The following SH2B1 variants were observed in gnomAD, a reference collection of about 807,000 sequenced individuals.
SH2B1 encodes SH2B adaptor protein 1.
In SH2B1, 15 loss-of-function variants were observed where a neutral mutation model predicts 62.6. That is an observed-to-expected ratio of 0.24 (90% CI 0.16 to 0.37). The LOEUF is 0.37. SH2B1 is among the 10% of genes least tolerant of loss of function. The pLI is 1.00. For missense variants in SH2B1, 925 were observed against 1,015.6 expected, an observed-to-expected ratio of 0.91 and a Z score of 1.21; for synonymous variants, 443 against 438.0, an observed-to-expected ratio of 1.01 and a Z score of -0.14.
In SH2B1 at chr16:28,872,103, C is replaced by A; in HGVS notation, c.1514-87C>A. ...TGGGGACGCATGTGGGGAGCAGGCG[C>A]CTTGAGGGGAAGGCAAGGCTTTTTT... On this transcript the variant is annotated intron_variant, in intron 5 of 7. Transcript: ENST00000684370. The surrounding 1 kb of genome is among the most constrained non-coding windows in gnomAD (Gnocchi z 5.3). The A allele has an allele frequency of 7.0e-7, 1 of 1,425,310 alleles. No homozygotes were observed. The highest frequency in any genetic ancestry group is 1.4e-5 in the African/African-American group (1 of 70,284). The allele number at this position is 1,425,310 out of a possible 1,614,324, so 88.3% of individuals were successfully genotyped here.
chr16:28,850,597 C>A (rs1332896871), intron 1 of SH2B1, among the ~76,000 whole-genome samples: 1 of 151,214 alleles, frequency 6.6e-6, no homozygotes, highest in African/African-American at 2.4e-5. Flanking sequence ...TGGTGGCTCA[C>A]GCCTGTAATC....
Position 28,852,593 on chromosome 16 carries a change from CATATATATTTATATATATACACAT to C in SH2B1, c.-301+5773_-301+5796del, listed in dbSNP as rs1567458856. 6.7e-5 allele frequency among the ~76,000 whole-genome samples: 4 copies of C among 59,996 alleles called. 1 individual carries two copies. Among genetic ancestry groups the C allele is most frequent in the African/African-American group, 1.6e-4 (2 of 12,900 alleles). The allele number at this position is 59,996 out of a possible 152,430, so 39.4% of individuals were successfully genotyped here. A position where few individuals can be genotyped will look rare whatever the true frequency, so the allele number is the denominator to read the frequency against. On this transcript the variant is annotated intron_variant, in intron 1 of 10. Transcript: ENST00000322610. ...ACACATATATATTTATATATATACACATATATATTTATATATATACACATATATATTTATATATATACACATATA... is the reference window on the plus strand; with the variant it reads ...ACACATATATATTTATATATATACACATATATTTATATATATACACATATA...
intron 1 of SH2B1, among the ~76,000 whole-genome samples, chr16:28,851,698 T>C (rs1423568532): frequency 4.0e-5 from 6 of 150,340 alleles, no homozygotes; most frequent in African/African-American, 4.9e-5. Context: ...CTCCTGACCT[T>C]GTGATCCACC....
intron 1 of SH2B1, among the ~76,000 whole-genome samples, chr16:28,849,604 C>CA (rs1386022040): frequency 6.6e-6 from 1 of 151,924 alleles, no homozygotes; most frequent in Non-Finnish European, 1.5e-5. Context: ...AAAAACAGAT[C>CA]AACTTAAAAG....
chr16:28,853,013 TTTATATATGTACA>T (rs1962223234), intron 1 of SH2B1, among the ~76,000 whole-genome samples: 1 of 71,790 alleles, frequency 1.4e-5, no homozygotes, highest in South Asian at 3.3e-4. Flanking sequence ...TACATATATA[TTTATATATGTACA>T]TATATATGTA....
At position 28,874,008 on chromosome 16, in the gene SH2B1, G is replaced by A. The variant is rs1451063859; in HGVS notation, c.*188G>A. Reference sequence around the variant, plus strand: ...TCACACACTACAGGTCCCCTCCCCAGGGCAGGGGATTTGGGCTCCATGAGC... The same window carrying A: ...TCACACACTACAGGTCCCCTCCCCAAGGCAGGGGATTTGGGCTCCATGAGC... On this transcript the variant is annotated 3_prime_UTR_variant, in exon 8 of 8. Transcript: ENST00000684370. 3 of 484,356 alleles carry A rather than the reference G, an allele frequency of 6.2e-6. No homozygotes were observed. The highest frequency in any genetic ancestry group is 9.9e-6 in the Non-Finnish European group (3 of 304,198). 30.0% of individuals were successfully genotyped at this position (484,356 alleles called of 1,614,324 possible).
chr16:28,847,816 CTTTTTTTTTT>C (rs34950443), intron 1 of SH2B1, among the ~76,000 whole-genome samples: 4 of 84,248 alleles, frequency 4.7e-5, no homozygotes, highest in East Asian at 7.7e-4. Context: ...AAGACCCCAT[CTTTTTTTTTT>C]TTTTTTTTTT....
chr16:28,852,885 T>TAC (rs1567459354), intron 1 of SH2B1, among the ~76,000 whole-genome samples: 9 of 98,036 alleles, frequency 9.2e-5, no homozygotes, highest in African/African-American at 3.9e-4. Flanking sequence ...TTTTTATATA[T>TAC]ATTTACATAT....
At position 28,863,893 on chromosome 16, in the gene SH2B1, AGCCGCCGCCGCCGCC is replaced by A. The variant is rs55893769; in HGVS notation, c.-2191_-2177del. ...AGTGGGTGGGGGCGCAGGGAGCGGG[AGCCGCCGCCGCCGCC>A]GCCGCCGCCGGAGCTAACCTCGGGG... On this transcript the variant is annotated 5_prime_UTR_variant, in exon 1 of 8. Coordinates refer to ENST00000684370, the MANE Select transcript of SH2B1 (RefSeq NM_001387430.1). 8 of 1,494,130 alleles carry A rather than the reference AGCCGCCGCCGCCGCC, an allele frequency of 5.4e-6. No individual in the cohort carries two copies. The African/African-American group carries it at 1.1e-4, about 21-fold the overall frequency. The allele number at this position is 1,494,130 out of a possible 1,614,324, so 92.6% of individuals were successfully genotyped here.
rs997495837 is a variant in SH2B1, at chr16:28,865,699, AG to A, written c.-389del. Reference sequence around the variant, plus strand: ...ATGAATATTGGAGGATCCGATGTAGAGGGGGGGTGATCTGGAAAAGTTCCCT... The same window carrying A: ...ATGAATATTGGAGGATCCGATGTAGAGGGGGGTGATCTGGAAAAGTTCCCT... On this transcript the variant is annotated 5_prime_UTR_variant, in exon 1 of 8. The change abolishes the stop of an existing upstream ORF in the 5' untranslated region. Transcript: ENST00000684370. 11 of 1,012,348 alleles carry A rather than the reference AG, an allele frequency of 1.1e-5. No homozygotes were observed. The highest frequency in any genetic ancestry group is 9.7e-5 in the East Asian group (1 of 10,302). The allele number at this position is 1,012,348 out of a possible 1,614,324, so 62.7% of individuals were successfully genotyped here.
chr16:28,852,929 TATATATATGTAC>T (rs1172320653), intron 1 of SH2B1, among the ~76,000 whole-genome samples: 1 of 59,762 alleles, frequency 1.7e-5, no homozygotes, highest in Non-Finnish European at 2.9e-5. Flanking sequence ...TATATATTTT[TATATATATGTAC>T]ATATATATTT....
intron 1 of SH2B1, among the ~76,000 whole-genome samples, chr16:28,852,712 TTACATATATATTTA>T (rs1375477370): frequency 1.4e-5 from 1 of 73,512 alleles, no homozygotes; most frequent in Non-Finnish European, 2.4e-5. Flanking sequence ...ACATATATAT[TTACATATATATTTA>T]TATATATACA....
At chr16:28,850,026 G>C (rs1006160455) in intron 1 of SH2B1, among the ~76,000 whole-genome samples, 1 of 152,192 alleles carries the variant, frequency 6.6e-6, no homozygotes, top group Non-Finnish European at 1.5e-5. Context: ...GTTCGGAAAA[G>C]AGCCCAGAGA....
rs1015265991 is a variant in SH2B1, at chr16:28,856,289, A to G, written c.-300-5329A>G. 3.2e-3 allele frequency among the ~76,000 whole-genome samples: 466 copies of G among 147,812 alleles called. 8 individuals carry two copies. Among genetic ancestry groups the G allele is most frequent in the African/African-American group, 0.011 (453 of 40,834 alleles). On this transcript the variant is annotated intron_variant, in intron 1 of 10. Transcript: ENST00000322610. ...CTCCATCTCAAAAAAAAAAAAAAAA[A>G]CCACACACACACAAAAAAGTGCCTA...
Position 28,867,015 on chromosome 16 carries a change from G to A in SH2B1, c.921G>A (p.Glu307=). Residue 307 remains glutamate (E), a synonymous_variant, in exon 1 of 8, where the codon GAG becomes GAA. Coordinates refer to ENST00000684370, the MANE Select transcript of SH2B1 (RefSeq NM_001387430.1). ...AAGGAGGAGGAGGAAGTCGCCTGGA[G>A]TTCTTTGTACCACCCAAGGTGAGGC... ...EGEGGGGSRL[E]FFVPPKASRP... is the part of the protein sequence containing the mutation. 1 of 1,600,006 alleles carries A rather than the reference G, an allele frequency of 6.2e-7. No homozygotes were observed. The highest frequency in any genetic ancestry group is 2.2e-5 in the East Asian group (1 of 44,878).
Position 28,873,841 on chromosome 16 carries a change from C to G in SH2B1, c.*21C>G, listed in dbSNP as rs1963187634. 1.3e-5 allele frequency: 18 copies of G among 1,418,318 alleles called. No homozygotes were observed. The highest frequency in any genetic ancestry group is 1.7e-5 in the Non-Finnish European group (18 of 1,089,030). The allele number at this position is 1,418,318 out of a possible 1,614,324, so 87.9% of individuals were successfully genotyped here. A position where few individuals can be genotyped will look rare whatever the true frequency, so the allele number is the denominator to read the frequency against. On this transcript the variant is annotated 3_prime_UTR_variant, in exon 8 of 8. Coordinates refer to ENST00000684370, the MANE Select transcript of SH2B1 (RefSeq NM_001387430.1). This position sits in a 1 kb window ranked among gnomAD's most constrained non-coding sequence, Gnocchi z 4.2. ...TGTGAGCCAACCCCACCCGCTCCAC[C>G]CTTTTTAAACCCCCCAGCCCTGCTC...
At chr16:28,850,666 T>A (rs1485220533) in intron 1 of SH2B1, among the ~76,000 whole-genome samples, 1 of 151,914 alleles carries the variant, frequency 6.6e-6, no homozygotes, top group Non-Finnish European at 1.5e-5. Context: ...AAGACCATCA[T>A]GGCTAATATG....
At position 28,869,216 on chromosome 16, in the gene SH2B1, C is replaced by T. The variant is rs2152181911; in HGVS notation, c.1142C>T (p.Pro381Leu). 6.2e-7 allele frequency: 1 copy of T among 1,614,122 alleles called. No individual in the cohort carries two copies. Among genetic ancestry groups the T allele is most frequent in the East Asian group, 2.2e-5 (1 of 44,882 alleles). The part of the protein sequence containing the change: ...IQECLSPGPC[P>L]ATSPRPMTLP... ...CTTCCCTGTCTCTGCAGACCCTGCCCTGCTACCAGTCCCCGCCCCATGACC... is the reference window on the plus strand; with the variant it reads ...CTTCCCTGTCTCTGCAGACCCTGCCTTGCTACCAGTCCCCGCCCCATGACC... Residue 381 changes from proline to leucine, a missense_variant, in exon 4 of 8, where the codon CCT (proline) becomes CTT (leucine). Physicochemically the swap from Pro to Leu is moderately conservative, Grantham distance 98. Around this residue, in one of 3 missense-constraint regions of SH2B1, gnomAD observed 683 missense variants for 704.0 expected, o/e 0.97. Transcript: ENST00000684370.
At chr16:28,856,108 T>TAC (rs1962318948) in intron 1 of SH2B1, among the ~76,000 whole-genome samples, 1 of 62,878 alleles carries the variant, frequency 1.6e-5, no homozygotes, top group Non-Finnish European at 3.3e-5. Flanking sequence ...GTACTAAAAA[T>TAC]ACAAAAAAAA....
Sources: allele counts gnomAD v4.1 joint callset (sites outside exome capture counted in the v4.1 genomes callset), GRCh38; gene constraint gnomAD v4.1.1; regional missense constraint gnomAD v4.1.1; non-coding constraint Gnocchi (gnomAD v3.1); transcripts MANE v1.5; gene names NCBI Gene and HGNC (gene_info 2026-07-23, HGNC 2026-07-21).